Variants in LRFN2 observed in about 807,000 individuals in gnomAD.
The protein encoded by LRFN2 is leucine-rich repeat and fibronectin type-III domain-containing protein 2.
A neutral mutation model predicts 37.3 loss-of-function variants in LRFN2; 18 were observed. The observed-to-expected ratio is 0.48, with a 90% CI of 0.33 to 0.72. The LOEUF is 0.72. LRFN2 is among the 30% of genes least tolerant of loss of function. The pLI is 0.02. For synonymous variants in LRFN2, 556 were observed against 466.6 expected, an observed-to-expected ratio of 1.19 and a Z score of -2.47; for missense variants, 1,006 against 1,060.7, an observed-to-expected ratio of 0.95 and a Z score of 0.72.
intron 1 of LRFN2, among the ~76,000 whole-genome samples, chr6:40,566,843 C>A (rs902962822): frequency 6.6e-6 from 1 of 151,740 alleles, no homozygotes. Context: ...ATGTAACAAA[C>A]CTGCACATTG....
At chr6:40,431,017 G>A (rs891419422) in intron 2 of LRFN2, among the ~76,000 whole-genome samples, 1 of 152,140 alleles carries the variant, frequency 6.6e-6, no homozygotes, top group Non-Finnish European at 1.5e-5. Context: ...CAGATTTGTA[G>A]GGGACCTTTG....
At chr6:40,521,561 C>T (rs937899284) in intron 1 of LRFN2, among the ~76,000 whole-genome samples, 2 of 152,222 alleles carry the variant, frequency 1.3e-5, no homozygotes, top group African/African-American at 2.4e-5. Context: ...TTTAAGCAGT[C>T]GGATTTTATA....
intron 1 of LRFN2, among the ~76,000 whole-genome samples, chr6:40,460,753 A>C (rs770441534): frequency 1.3e-5 from 2 of 152,188 alleles, no homozygotes; most frequent in Non-Finnish European, 1.5e-5. Context: ...GGGATAGATC[A>C]CCACAGAAAG....
chr6:40,520,574 T>C (rs1013390511), intron 1 of LRFN2, among the ~76,000 whole-genome samples: 2 of 152,170 alleles, frequency 1.3e-5, no homozygotes, highest in African/African-American at 4.8e-5. Context: ...TCCTTTCCTA[T>C]AACTCCCATC....
intron 1 of LRFN2, among the ~76,000 whole-genome samples, chr6:40,544,562 C>T (rs1766620538): frequency 6.6e-6 from 1 of 152,176 alleles, no homozygotes; most frequent in Non-Finnish European, 1.5e-5. Context: ...CTTCCCAAAC[C>T]CTGGATTCAG....
At chr6:40,570,764 A>G (rs910088696) in intron 1 of LRFN2, among the ~76,000 whole-genome samples, 2 of 152,196 alleles carry the variant, frequency 1.3e-5, no homozygotes, top group African/African-American at 2.4e-5. Context: ...ACTGTAGAGA[A>G]ATGGTGTTCT....
At chr6:40,582,527 C>T (rs1457798956) in intron 1 of LRFN2, among the ~76,000 whole-genome samples, 1 of 151,880 alleles carries the variant, frequency 6.6e-6, no homozygotes, top group Non-Finnish European at 1.5e-5. Flanking sequence ...TCTATAGTTC[C>T]AGTCTGTTCC....
chr6:40,451,851 C>T (rs1243909951), intron 1 of LRFN2, among the ~76,000 whole-genome samples: 1 of 152,190 alleles, frequency 6.6e-6, no homozygotes, highest in Admixed American at 6.5e-5. Flanking sequence ...TTCCCTTGGG[C>T]CTGGACCATC....
chr6:40,411,200 C>T (rs1320100986), intron 2 of LRFN2, among the ~76,000 whole-genome samples: 1 of 152,204 alleles, frequency 6.6e-6, no homozygotes, highest in Non-Finnish European at 1.5e-5. Flanking sequence ...TCTCCTGCTC[C>T]AGCTGGGGAG....
chr6:40,424,031 C>A (rs1468979867), intron 2 of LRFN2, among the ~76,000 whole-genome samples: 1 of 152,190 alleles, frequency 6.6e-6, no homozygotes, highest in Admixed American at 6.5e-5. Context: ...TTCTGTTCAT[C>A]CTAATCACTA....
intron 1 of LRFN2, among the ~76,000 whole-genome samples, chr6:40,556,688 CTT>C (rs1459682976): frequency 1.5e-5 from 2 of 129,488 alleles, no homozygotes; most frequent in African/African-American, 6.3e-5. Flanking sequence ...CTCTCTCTCT[CTT>C]TGTTTCTCTC....
At chr6:40,476,593 A>T (rs1323296599) in intron 1 of LRFN2, among the ~76,000 whole-genome samples, 3 of 152,220 alleles carry the variant, frequency 2.0e-5, no homozygotes, top group African/African-American at 7.2e-5. Context: ...GCAAACTTGT[A>T]TACACCCTTC....
chr6:40,392,017 A>C lies in LRFN2; in HGVS notation c.2296T>G (p.Phe766Val). The change falls in exon 3 of 3, where the codon TTT (phenylalanine) becomes GTT (valine). Residue 766 changes from phenylalanine to valine, a missense_variant. Physicochemically the swap from Phe to Val is conservative, Grantham distance 50. Transcript: ENST00000338305. This position sits in a 1 kb window ranked among gnomAD's most constrained non-coding sequence, Gnocchi z 4.7. Reference sequence around the variant, plus strand: ...GCCCCCACCAGGTCACTCTCCTCAAAGGGCAAGAGCATGCCGTTGACAGAG... The same window carrying C: ...GCCCCCACCAGGTCACTCTCCTCAACGGGCAAGAGCATGCCGTTGACAGAG... ...SLSVNGMLLP[F>V]EESDLVGARG... 1 of 1,612,164 alleles carries C rather than the reference A, an allele frequency of 6.2e-7. No individual in the cohort carries two copies.
intron 2 of LRFN2, among the ~76,000 whole-genome samples, chr6:40,395,469 G>C (rs2113792255): frequency 6.6e-6 from 1 of 152,334 alleles, no homozygotes; most frequent in East Asian, 1.9e-4. Context: ...CAGGATGCCA[G>C]CCTGCTAGGC....
chr6:40,435,046 T>TAGAGAG (rs1223267077), intron 1 of LRFN2, among the ~76,000 whole-genome samples: 31 of 81,194 alleles, frequency 3.8e-4, no homozygotes, highest in East Asian at 7.6e-4. Flanking sequence ...TATATATATA[T>TAGAGAG]ATATATAGAG....
At chr6:40,394,682 C>T (rs538062210) in intron 2 of LRFN2, among the ~76,000 whole-genome samples, 2 of 152,278 alleles carry the variant, frequency 1.3e-5, no homozygotes, top group East Asian at 3.9e-4. Flanking sequence ...CCACCCAAAT[C>T]TCATCTTGAA....
chr6:40,392,091 C>T lies in LRFN2; in HGVS notation c.2222G>A (p.Gly741Asp), dbSNP rs1446280580. 3 of 1,613,914 alleles carry T rather than the reference C, an allele frequency of 1.9e-6. No homozygotes were observed. The South Asian group carries it at 3.3e-5, about 18-fold the overall frequency. The change falls in exon 3 of 3, where the codon GGC (glycine) becomes GAC (aspartate). Residue 741 changes from glycine to aspartate, a missense_variant. Physicochemically the swap from Gly to Asp is moderately conservative, Grantham distance 94. Coordinates refer to ENST00000338305, the MANE Select transcript of LRFN2 (RefSeq NM_020737.3). The surrounding 1 kb of genome is among the most constrained non-coding windows in gnomAD (Gnocchi z 4.7). ...AAAAGGVVPG[G>D]YSPPRKVSNI... is the part of the protein sequence containing the mutation. ...CGAGACCTTCCGAGGAGGACTGTAG[C>T]CGCCCGGCACGACCCCTCCCGCCGC...
rs773954766 is a variant in LRFN2 at position 40,392,049 on chromosome 6, C to T, written c.2264G>A (p.Arg755His). 2 of 1,614,026 alleles carry T rather than the reference C, an allele frequency of 1.2e-6. No individual in the cohort carries two copies. The highest frequency in any genetic ancestry group is 1.7e-6 in the Non-Finnish European group (2 of 1,179,974). Residue 755 changes from arginine to histidine, a missense_variant, in exon 3 of 3, where the codon CGC becomes CAC. Physicochemically the swap from Arg to His is conservative, Grantham distance 29. Around this residue, in one of 4 missense-constraint regions of LRFN2, gnomAD observed 398 missense variants for 327.6 expected, o/e 1.21. Transcript: ENST00000338305. The surrounding 1 kb of genome is among the most constrained non-coding windows in gnomAD (Gnocchi z 4.7). Reference sequence around the variant, plus strand: ...GAGCATGCCGTTGACAGAGAGGCTGCGCTTCGTCCAGATGTTCGAGACCTT... The same window carrying T: ...GAGCATGCCGTTGACAGAGAGGCTGTGCTTCGTCCAGATGTTCGAGACCTT... ...PRKVSNIWTKRSLSVNGMLLP... is the reference protein window; with the variant it reads ...PRKVSNIWTKHSLSVNGMLLP...
chr6:40,528,773 GGAC>G (rs1200678415), intron 1 of LRFN2, among the ~76,000 whole-genome samples: 1 of 152,050 alleles, frequency 6.6e-6, no homozygotes, highest in African/African-American at 2.4e-5. Context: ...CCTAAGTTGG[GGAC>G]TGTCTATATT....
Sources: allele counts gnomAD v4.1 joint callset (sites outside exome capture counted in the v4.1 genomes callset), GRCh38; gene constraint gnomAD v4.1.1; regional missense constraint gnomAD v4.1.1; non-coding constraint Gnocchi (gnomAD v3.1); transcripts MANE v1.5; gene names NCBI Gene and HGNC (gene_info 2026-07-23, HGNC 2026-07-21).